NCAM2: variants seen among roughly 807,000 people sequenced by gnomAD.
NCAM2 encodes the protein neural cell adhesion molecule 2.
Under a neutral mutation model 98.1 loss-of-function variants are expected in NCAM2, and 30 were observed. That is an observed-to-expected ratio of 0.31 (90% CI 0.23 to 0.41). The LOEUF is 0.41. Among genes scored for constraint, NCAM2 ranks in the 10% least tolerant of loss-of-function variants. The pLI is 1.00. For synonymous variants in NCAM2, 368 were observed against 342.4 expected, an observed-to-expected ratio of 1.07 and a Z score of -0.83; for missense variants, 867 against 1,005.8, an observed-to-expected ratio of 0.86 and a Z score of 1.87.
chr21:21,172,492 T>G (rs1405357714), intron 1 of NCAM2, among the ~76,000 whole-genome samples: 1 of 152,142 alleles, frequency 6.6e-6, no homozygotes, highest in East Asian at 1.9e-4. Context: ...AAATAACTCT[T>G]TCTTAGCATA....
intron 8 of NCAM2, among the ~76,000 whole-genome samples, chr21:21,349,850 T>C (rs1003151442): frequency 3.3e-5 from 5 of 152,174 alleles, no homozygotes; most frequent in African/African-American, 1.2e-4. Flanking sequence ...TTCTCACTTA[T>C]TTGTGGGATC....
At chr21:21,514,472 C>CAAAAAAAAAA (rs56710788) in intron 16 of NCAM2, among the ~76,000 whole-genome samples, 4 of 127,664 alleles carry the variant, frequency 3.1e-5, no homozygotes, top group African/African-American at 1.2e-4. Flanking sequence ...TCTCAAAAAA[C>CAAAAAAAAAA]AAAAAAAAAA....
intron 1 of NCAM2, among the ~76,000 whole-genome samples, chr21:21,194,105 C>A (rs1038177874): frequency 6.6e-6 from 1 of 152,058 alleles, no homozygotes; most frequent in Non-Finnish European, 1.5e-5. Context: ...GTTAGAAATA[C>A]GTTCTTAATG....
At chr21:21,386,065 C>A (rs1238121027) in intron 9 of NCAM2, among the ~76,000 whole-genome samples, 3 of 151,968 alleles carry the variant, frequency 2.0e-5, no homozygotes, top group Non-Finnish European at 4.4e-5. Flanking sequence ...TAAATAATCC[C>A]ATAACACAGA....
intron 1 of NCAM2, among the ~76,000 whole-genome samples, chr21:21,123,220 C>T (rs1229044766): frequency 6.6e-6 from 1 of 151,854 alleles, no homozygotes; most frequent in Non-Finnish European, 1.5e-5. Flanking sequence ...ACGGTGAAAC[C>T]CGGTCTGTAC....
At chr21:21,313,391 C>G (rs575511724) in intron 5 of NCAM2, among the ~76,000 whole-genome samples, 1 of 151,854 alleles carries the variant, frequency 6.6e-6, no homozygotes, top group East Asian at 1.9e-4. Flanking sequence ...AAGTTGAATG[C>G]ACATGTAGGA....
At chr21:21,427,677 T>G (rs2077244480) in intron 11 of NCAM2, among the ~76,000 whole-genome samples, 1 of 152,170 alleles carries the variant, frequency 6.6e-6, no homozygotes, top group South Asian at 2.1e-4. Flanking sequence ...CACAAGTTCA[T>G]TCAGTGACTC....
intron 5 of NCAM2, among the ~76,000 whole-genome samples, chr21:21,295,432 G>A (rs1373320040): frequency 6.6e-6 from 1 of 151,746 alleles, no homozygotes; most frequent in East Asian, 1.9e-4. Context: ...CCTTGAAGAA[G>A]ATTATACACC....
intron 9 of NCAM2, among the ~76,000 whole-genome samples, chr21:21,388,257 C>T (rs915001890): frequency 6.6e-6 from 1 of 152,164 alleles, no homozygotes; most frequent in African/African-American, 2.4e-5. Flanking sequence ...CACTAGCCTT[C>T]TATTTGGAGG....
intron 9 of NCAM2, among the ~76,000 whole-genome samples, chr21:21,385,256 C>G (rs1166115791): frequency 1.3e-5 from 2 of 151,832 alleles, no homozygotes; most frequent in Non-Finnish European, 1.5e-5. Flanking sequence ...CCACAAAAAG[C>G]TATTGTCGTA....
intron 14 of NCAM2, among the ~76,000 whole-genome samples, chr21:21,475,521 A>G (rs1985054386): frequency 6.6e-6 from 1 of 152,174 alleles, no homozygotes; most frequent in Non-Finnish European, 1.5e-5. Flanking sequence ...GCTTTTTAGC[A>G]TAGCTGCCCT....
chr21:21,506,923 A>G (rs1602520980), intron 15 of NCAM2, among the ~76,000 whole-genome samples: 4 of 152,114 alleles, frequency 2.6e-5, no homozygotes, highest in South Asian at 4.1e-4. Flanking sequence ...TTGTTAATTC[A>G]GTGACTAAGT....
chr21:21,429,397 C>T (rs1403456691), intron 11 of NCAM2, among the ~76,000 whole-genome samples: 1 of 152,124 alleles, frequency 6.6e-6, no homozygotes, highest in African/African-American at 2.4e-5. Context: ...ATAATATCTC[C>T]CTCTCATCCC....
intron 1 of NCAM2, among the ~76,000 whole-genome samples, chr21:21,143,591 C>G (rs1018967099): frequency 6.6e-6 from 1 of 152,114 alleles, no homozygotes; most frequent in Non-Finnish European, 1.5e-5. Flanking sequence ...GGAATTTACC[C>G]TGATGCACAA....
chr21:21,433,598 A>C (rs1049073525), intron 12 of NCAM2, among the ~76,000 whole-genome samples: 2 of 150,996 alleles, frequency 1.3e-5, no homozygotes, highest in Non-Finnish European at 3.0e-5. Flanking sequence ...AAAAAATTAG[A>C]CGGATGTGGT....
At chr21:21,472,716 T>C (rs1021747038) in intron 14 of NCAM2, among the ~76,000 whole-genome samples, 18 of 151,780 alleles carry the variant, frequency 1.2e-4, no homozygotes, top group Admixed American at 1.1e-3. Flanking sequence ...ACTGCCAATG[T>C]TTATAGATAT....
intron 1 of NCAM2, among the ~76,000 whole-genome samples, chr21:21,041,623 A>T (rs906739813): frequency 6.6e-6 from 1 of 152,204 alleles, no homozygotes; most frequent in Admixed American, 6.5e-5. Context: ...TAGCTAGAAC[A>T]TCGTGGTGGT....
intron 16 of NCAM2, among the ~76,000 whole-genome samples, chr21:21,528,393 G>A (rs1395689402): frequency 6.6e-6 from 1 of 152,138 alleles, no homozygotes; most frequent in Non-Finnish European, 1.5e-5. Flanking sequence ...TGTAACAAAT[G>A]CACCCCTCTG....
chr21:21,132,537 C>T (rs1445567821), intron 1 of NCAM2, among the ~76,000 whole-genome samples: 1 of 152,040 alleles, frequency 6.6e-6, no homozygotes, highest in Non-Finnish European at 1.5e-5. Flanking sequence ...TGTATGTGTA[C>T]ATACTGAATG....
Sources: gnomAD v4.1 joint callset for allele counts (sites outside exome capture counted in the v4.1 genomes callset) on GRCh38, gnomAD v4.1.1 for gene constraint, MANE v1.5 for transcripts, NCBI Gene and HGNC (gene_info 2026-07-23, HGNC 2026-07-21) for gene names.